The following TTN variants were observed in gnomAD, a reference collection of about 807,000 sequenced individuals.
TTN encodes the protein titin, also known as connectin.
Under a neutral mutation model 3,223.0 loss-of-function variants are expected in TTN, and 1,525 were observed. The ratio of observed to expected loss-of-function variants is 0.47; its 90% confidence interval spans 0.45 to 0.49. TTN has a LOEUF of 0.49. Among genes scored for constraint, TTN ranks in the 20% least tolerant of loss-of-function variants. The probability of loss-of-function intolerance (pLI) is 0.00; values close to 1 mark genes in which losing one functional copy is unlikely to be tolerated. For missense variants in TTN, 40,786 were observed against 43,424.0 expected (o/e 0.94, Z 5.40); for synonymous variants, 14,094 against 15,161.0 (o/e 0.93, Z 5.17).
In TTN at chr2:178,569,429, A is replaced by G; in HGVS notation, c.76703T>C (p.Leu25568Pro). The change falls in exon 326 of 363, where the codon CTT (leucine) becomes CCT (proline). Residue 25568 changes from leucine (L) to proline (P), a missense_variant. By Grantham distance (98) the Leu-to-Pro change is moderately conservative. Coordinates refer to ENST00000589042, the MANE Select transcript of TTN (RefSeq NM_001267550.2). ...ACTATCATATCGGTTGACATTGTCAAGAACAAGAGAGGTGAAACTGCTAGT... is the reference window on the plus strand; with the variant it reads ...ACTATCATATCGGTTGACATTGTCAGGAACAAGAGAGGTGAAACTGCTAGT... ...DVTSSFTSLV[L>P]DNVNRYDSGK... 1.2e-6 allele frequency: 2 copies of G among 1,613,324 alleles called. No homozygotes were observed. Among genetic ancestry groups the G allele is most frequent in the Non-Finnish European group, 1.7e-6 (2 of 1,179,548 alleles).
intron 349 of TTN, 86 bp downstream of exon 349, chr2:178,542,178 C>G: frequency 1.5e-6 from 2 of 1,339,422 alleles, no homozygotes; most frequent in Non-Finnish European, 2.0e-6. Flanking sequence ...TTTTTATTTA[C>G]ATTAGGGCAT....
intron 6 of TTN, among the ~76,000 whole-genome samples, chr2:178,797,941 G>A (rs952197203): frequency 6.6e-6 from 1 of 151,812 alleles, no homozygotes; most frequent in East Asian, 1.9e-4. Context: ...AGAGGCAGAG[G>A]TTTATGTTTG....
rs757275707 is a variant in TTN, at chr2:178,706,593, T to C, written c.29281A>G (p.Thr9761Ala). The C allele has an allele frequency of 6.2e-7, 1 of 1,613,928 alleles. No homozygotes were observed. The highest frequency in any genetic ancestry group is 1.1e-5 in the South Asian group (1 of 91,076). ...GDEAKLEIRD[T>A]TKTDSGLYRC... Reference sequence around the variant, plus strand: ...TATAACCCAGAATCAGTTTTTGTGGTGTCCCTAATCTCCAGTTTTGCTTCA... The same window carrying C: ...TATAACCCAGAATCAGTTTTTGTGGCGTCCCTAATCTCCAGTTTTGCTTCA... Residue 9761 changes from threonine (T) to alanine (A), a missense_variant, in exon 102 of 363, where the codon ACC (threonine) becomes GCC (alanine). By Grantham distance (58) the Thr-to-Ala change is moderately conservative. Transcript: ENST00000589042.
At chr2:178,635,138 A>C in intron 228 of TTN, 27 bp downstream of exon 228, 1 of 1,607,974 alleles carries the variant, frequency 6.2e-7, no homozygotes, top group Non-Finnish European at 8.5e-7. Context: ...TTATATGACT[A>C]ACAATTTAAA....
Position 178,782,813 on chromosome 2 carries a change from A to C in TTN, c.3093T>G (p.Ala1031=), listed in dbSNP as rs375713605. The C allele has an allele frequency of 1.9e-6, 3 of 1,612,794 alleles. No individual in the cohort carries two copies. The highest frequency in any genetic ancestry group is 2.5e-6 in the Non-Finnish European group (3 of 1,179,844). ...AGTVSTSCYL[A]VQVSEEFEKE... ...GGGAGGGTGGCCACTAACCCTGCAC[A>C]GCCAGATAGCAGGATGTGCTGACGG... The change falls in exon 18 of 363, where the codon GCT becomes GCG. Residue 1031 remains alanine, a synonymous_variant. Transcript: ENST00000589042.
chr2:178,747,201 C>G, intron 47 of TTN: 2 of 1,611,460 alleles, frequency 1.2e-6, no homozygotes, highest in Non-Finnish European at 1.7e-6. Flanking sequence ...AGAGTCTCTC[C>G]TGGAGGTGTG....
rs1356461359 is a variant in TTN at position 178,621,903 on chromosome 2, C to G, written c.45019G>C (p.Asp15007His). Residue 15007 changes from aspartate (D) to histidine (H), a missense_variant, in exon 244 of 363, where the codon GAT (aspartate) becomes CAT (histidine). Transcript: ENST00000589042. ...ILVINKCLLDDEAEYSCEVRT... is the reference protein window; with the variant it reads ...ILVINKCLLDHEAEYSCEVRT... ...ACTTCACAGGAATATTCAGCTTCAT[C>G]ATCCAGTAGACATTTGTTGATGACA... 5 of 1,612,196 alleles carry G rather than the reference C, an allele frequency of 3.1e-6. No individual in the cohort carries two copies. The highest frequency in any genetic ancestry group is 4.5e-5 in the East Asian group (2 of 44,596).
intron 321 of TTN, 69 bp downstream of exon 321, chr2:178,578,542 A>C: frequency 8.1e-7 from 1 of 1,228,686 alleles, no homozygotes; most frequent in Non-Finnish European, 1.2e-6. Context: ...CACATGTTCA[A>C]CTGTTCTCAG....
rs1211248610 is a variant in TTN, at chr2:178,721,872, CAT to C, written c.22789_22790del (p.Met7597ValfsTer15). Reference protein sequence around the residue: ...CQATNDVGKDMCSAQLSVKEP... With the variant: ...CQATNDVGKDXCSAQLSVKEP... ...CTTTTACACTGAGCTGAGCTGAGCA[CAT>C]GTCTTTGCCAACATCATTGGTTGCT... On this transcript the variant is annotated frameshift_variant, in exon 78 of 363. Transcript: ENST00000589042. LOFTEE classifies it high-confidence loss of function. 5.0e-6 allele frequency: 8 copies of C among 1,612,124 alleles called. No homozygotes were observed. The highest frequency in any genetic ancestry group is 6.8e-6 in the Non-Finnish European group (8 of 1,178,858).
chr2:178,546,618 T>C lies in TTN; in HGVS notation c.94810A>G (p.Thr31604Ala). 6.2e-7 allele frequency: 1 copy of C among 1,609,704 alleles called. No homozygotes were observed. The highest frequency in any genetic ancestry group is 8.5e-7 in the Non-Finnish European group (1 of 1,176,462). The change falls in exon 341 of 363, where the codon ACT becomes GCT. Residue 31604 changes from threonine to alanine, a missense_variant. By Grantham distance (58) the Thr-to-Ala change is moderately conservative. Transcript: ENST00000589042. ...TTCCTACCGTATTCATCTCGGCAAG[T>C]GACAGGGCCTGTAGATTCAGACCCT... ...SKGSESTGPVTCRDEYAPPKA... is the reference protein window; with the variant it reads ...SKGSESTGPVACRDEYAPPKA...
Position 178,561,507 on chromosome 2 carries a change from T to C in TTN, c.84625A>G (p.Ile28209Val), listed in dbSNP as rs753472730. The change falls in exon 326 of 363, where the codon ATT becomes GTT. Residue 28209 changes from isoleucine (I) to valine (V), a missense_variant. Transcript: ENST00000589042. ...ILWSKANKILIADTQMKVSGL... is the reference protein window; with the variant it reads ...ILWSKANKILVADTQMKVSGL... Reference sequence around the variant, plus strand: ...GAGACTTTCATTTGAGTATCAGCAATGAGGATTTTATTTGCTTTTGACCAA... The same window carrying C: ...GAGACTTTCATTTGAGTATCAGCAACGAGGATTTTATTTGCTTTTGACCAA... The C allele has an allele frequency of 5.6e-6, 9 of 1,613,478 alleles. No individual in the cohort carries two copies. In the East Asian group the frequency reaches 6.7e-5, roughly 12 times the overall value.
rs762347403 is a variant in TTN at position 178,591,912 on chromosome 2, T to G, written c.59927-20A>C. The G allele has an allele frequency of 2.5e-6, 4 of 1,605,096 alleles. No individual in the cohort carries two copies. Among genetic ancestry groups the G allele is most frequent in the Non-Finnish European group, 8.5e-7 (1 of 1,177,554 alleles). On this transcript the variant is annotated intron_variant, in intron 302 of 362. Transcript: ENST00000589042. ...GGGGATCTTTTCAAAGAAGAAGTTA[T>G]GATGAAAAAGTAATATTCTTAAAGA... is the stretch of plus-strand genomic sequence containing the variant.
intron 44 of TTN, 90 bp downstream of exon 44, chr2:178,758,894 T>G (rs889171607): frequency 7.6e-7 from 1 of 1,312,562 alleles, no homozygotes; most frequent in Admixed American, 1.7e-5. Flanking sequence ...GGAACAACAA[T>G]GATTTACATG....
chr2:178,605,157 A>G lies in TTN; in HGVS notation c.54020T>C (p.Ile18007Thr). The change falls in exon 280 of 363, where the codon ATT (isoleucine) becomes ACT (threonine). Residue 18007 changes from isoleucine to threonine, a missense_variant. Ile to Thr is a moderately conservative substitution (Grantham distance 89). Coordinates refer to ENST00000589042, the MANE Select transcript of TTN (RefSeq NM_001267550.2). ...CTGAAGTGCATCAGTGGGTTTTTCA[A>G]TTACAGTTTCATTTTTGGACCATTC... ...KIEWSKNETV[I>T]EKPTDALQIT... The G allele has an allele frequency of 6.2e-7, 1 of 1,612,480 alleles. No homozygotes were observed. The highest frequency in any genetic ancestry group is 8.5e-7 in the Non-Finnish European group (1 of 1,179,136).
In TTN at chr2:178,609,321, C is replaced by A; in HGVS notation, c.51989G>T (p.Gly17330Val). 1.2e-6 allele frequency: 2 copies of A among 1,609,568 alleles called. No homozygotes were observed. Among genetic ancestry groups the A allele is most frequent in the Admixed American group, 1.7e-5 (1 of 59,552 alleles). The change falls in exon 273 of 363, where the codon GGA becomes GTA. Residue 17330 changes from glycine to valine, a missense_variant. Physicochemically the swap from Gly to Val is moderately radical, Grantham distance 109. Coordinates refer to ENST00000589042, the MANE Select transcript of TTN (RefSeq NM_001267550.2). The stretch of plus-strand genomic sequence containing the variant: ...ATCTCGGACGCGTAGCTGAGATTCT[C>A]CCTTTTTGCTGTTGTCAATACTCAA... ...QRLSIDNSKK[G>V]ESQLRVRDSL...
chr2:178,633,744 T>G, intron 231 of TTN, 68 bp from the exon 232 acceptor site: 1 of 1,604,862 alleles, frequency 6.2e-7, no homozygotes, highest in Non-Finnish European at 8.5e-7. Context: ...AGTAAAAGGT[T>G]GCAAAATATT....
Position 178,564,934 on chromosome 2 carries a change from T to C in TTN, c.81198A>G (p.Val27066=). The change falls in exon 326 of 363, where the codon GTA becomes GTG. Residue 27066 remains valine, a synonymous_variant. Transcript: ENST00000589042. ...GTCCAGGTTCTTTAAATGGATATTG[T>C]ACAATAACTGCCTTAGAATCCAGTG... The part of the protein sequence containing the change: ...SAPLDSKAVI[V]QYPFKEPGPP... 6.2e-7 allele frequency: 1 copy of C among 1,612,562 alleles called. No homozygotes were observed. The highest frequency in any genetic ancestry group is 1.1e-5 in the South Asian group (1 of 90,826).
chr2:178,617,727 C>T, intron 253 of TTN, 52 bp downstream of exon 253: 1 of 1,582,232 alleles, frequency 6.3e-7, no homozygotes, highest in East Asian at 2.3e-5. Flanking sequence ...AATTGATAGG[C>T]CTAATATCTG....
chr2:178,537,653 C>T lies in TTN; in HGVS notation c.99554G>A (p.Ser33185Asn), dbSNP rs1377798768. The stretch of plus-strand genomic sequence containing the variant: ...TGTTGCTTGCAGGAGAAGCTTACTA[C>T]TGGTTTCTACTTCTCCAACCTCATT... ...ATNEVGEVET[S>N]SKLLLQATPQ... is the part of the protein sequence containing the mutation. The change falls in exon 355 of 363, where the codon AGT (serine) becomes AAT (asparagine). Residue 33185 changes from serine to asparagine, a missense_variant. Coordinates refer to ENST00000589042, the MANE Select transcript of TTN (RefSeq NM_001267550.2). 6 of 1,613,654 alleles carry T rather than the reference C, an allele frequency of 3.7e-6. No individual in the cohort carries two copies. The African/African-American group carries it at 4.0e-5, about 11-fold the overall frequency.
Sources: gnomAD v4.1 joint callset for allele counts (sites outside exome capture counted in the v4.1 genomes callset) on GRCh38, gnomAD v4.1.1 for gene constraint, MANE v1.5 for transcripts, NCBI Gene and HGNC (gene_info 2026-07-23, HGNC 2026-07-21) for gene names.